The following PRKN variants were observed in gnomAD, a reference collection of about 807,000 sequenced individuals.
The protein encoded by PRKN is parkin RBR E3 ubiquitin protein ligase, also known as E3 ubiquitin-protein ligase parkin.
PRKN carries 56 observed loss-of-function variants against 59.5 expected under a neutral mutation model. The ratio of observed to expected loss-of-function variants is 0.94; its 90% CI spans 0.76 to 1.18. The LOEUF (loss-of-function observed/expected upper bound fraction) is 1.18, where lower values mean the gene tolerates loss of function less well. PRKN is among the 50% of genes most tolerant of loss of function. PRKN has a pLI of 0.00. For synonymous variants in PRKN, 250 were observed against 222.1 expected (o/e 1.13, Z -1.12); for missense variants, 657 against 596.4 (o/e 1.10, Z -1.06).
At chr6:162,049,155 T>C (rs1777510789) in intron 5 of PRKN, among the ~76,000 whole-genome samples, 2 of 152,130 alleles carry the variant, frequency 1.3e-5, no homozygotes, top group African/African-American at 4.8e-5. Context: ...TAAAACTATC[T>C]ACTAAGATTA....
rs1784580202 is a variant in PRKN, at chr6:161,352,311, A to G, written c.1286-2100T>C. 3.3e-5 allele frequency among the ~76,000 whole-genome samples: 5 copies of G among 152,338 alleles called. No individual in the cohort carries two copies. The South Asian group carries it at 8.3e-4, about 25-fold the overall frequency. ...GCATTTGTTTTAAGATAACTTGCCG[A>G]CATGCAAAATCTCCTGTTTTCCTAA... On this transcript the variant is annotated intron_variant, in intron 11 of 11. Coordinates refer to ENST00000366898, the MANE Select transcript of PRKN (RefSeq NM_004562.3). This position sits in a 1 kb window ranked among gnomAD's most constrained non-coding sequence, Gnocchi z 5.8.
chr6:162,051,517 T>A (rs1034696782), intron 5 of PRKN, among the ~76,000 whole-genome samples: 1 of 152,070 alleles, frequency 6.6e-6, no homozygotes, highest in African/African-American at 2.4e-5. Flanking sequence ...TCAGGAACAA[T>A]GTGTTCCTGC....
At chr6:162,256,534 G>A (rs769031339) in intron 3 of PRKN, among the ~76,000 whole-genome samples, 2 of 152,094 alleles carry the variant, frequency 1.3e-5, no homozygotes, top group African/African-American at 2.4e-5. Flanking sequence ...CAATAATTAC[G>A]ATGCTCAGAT....
At position 162,159,269 on chromosome 6, in the gene PRKN, A is replaced by G. The variant is rs1238987787; in HGVS notation, c.534+41862T>C. ...GTGAGCATTGCTTTTCTAGGATGCA[A>G]CAGAACTTAATGTTTCTTATAGACC... On this transcript the variant is annotated intron_variant, in intron 4 of 11. Coordinates refer to ENST00000366898, the MANE Select transcript of PRKN (RefSeq NM_004562.3). Among the ~76,000 whole-genome samples, 3 of 152,230 alleles carry G rather than the reference A, an allele frequency of 2.0e-5. No individual in the cohort carries two copies. The East Asian group carries it at 5.8e-4, about 29-fold the overall frequency.
chr6:162,271,600 A>G (rs1780398394), intron 2 of PRKN: 1 of 152,066 alleles, frequency 6.6e-6, no homozygotes, highest in Non-Finnish European at 1.5e-5. Context: ...GCTAAGAACT[A>G]TTTTGTTTGG....
At chr6:161,643,332 C>A (rs1046583829) in intron 7 of PRKN, among the ~76,000 whole-genome samples, 3 of 152,072 alleles carry the variant, frequency 2.0e-5, no homozygotes, top group Non-Finnish European at 4.4e-5. Context: ...TGCTGAAGCT[C>A]TCTAGTCTCA....
chr6:162,181,572 T>C (rs1439694547), intron 4 of PRKN, among the ~76,000 whole-genome samples: 1 of 152,084 alleles, frequency 6.6e-6, no homozygotes, highest in Non-Finnish European at 1.5e-5. Context: ...TGGACAAATA[T>C]TGATACAGTG....
chr6:161,584,782 TG>T lies in PRKN; in HGVS notation c.872-15367del, dbSNP rs1781464584. Reference sequence around the variant, plus strand: ...AACACCTCAATAACAAATGTTATATTGAAAATGTGCTCAGTAACAATTGCGG... The same window carrying T: ...AACACCTCAATAACAAATGTTATATTAAAATGTGCTCAGTAACAATTGCGG... On this transcript the variant is annotated intron_variant, in intron 7 of 11. Coordinates refer to ENST00000366898, the MANE Select transcript of PRKN (RefSeq NM_004562.3). This position sits in a 1 kb window ranked among gnomAD's most constrained non-coding sequence, Gnocchi z 4.8. Among the ~76,000 whole-genome samples the T allele has an allele frequency of 6.6e-6, 1 of 152,218 alleles. No individual in the cohort carries two copies. Among genetic ancestry groups the T allele is most frequent in the African/African-American group, 2.4e-5 (1 of 41,462 alleles).
At chr6:162,220,435 C>G (rs1777876937) in intron 3 of PRKN, among the ~76,000 whole-genome samples, 2 of 152,080 alleles carry the variant, frequency 1.3e-5, no homozygotes, top group African/African-American at 4.8e-5. Context: ...ATGAGCCCAG[C>G]AAGGCCAGAG....
At chr6:162,433,156 A>C (rs1213483421) in intron 2 of PRKN, among the ~76,000 whole-genome samples, 1 of 152,244 alleles carries the variant, frequency 6.6e-6, no homozygotes, top group Non-Finnish European at 1.5e-5. Context: ...ATTATTCATC[A>C]AATTAAACTA....
chr6:162,398,019 A>G (rs1787561722), intron 2 of PRKN, among the ~76,000 whole-genome samples: 1 of 148,086 alleles, frequency 6.8e-6, no homozygotes. Flanking sequence ...CCTGGGTGAC[A>G]GAGCAGGATT....
intron 1 of PRKN, among the ~76,000 whole-genome samples, chr6:162,494,232 TCATCTACAGCCTGGGCGTTGG>T (rs1792951905): frequency 6.6e-6 from 1 of 152,200 alleles, no homozygotes; most frequent in Admixed American, 6.5e-5. Context: ...CAGGCTGTTG[TCATCTACAGCCTGGGCGTTGG>T]CATCAGGCAA....
chr6:162,709,611 T>C (rs535245847), intron 1 of PRKN, among the ~76,000 whole-genome samples: 18 of 152,358 alleles, frequency 1.2e-4, no homozygotes, highest in Admixed American at 1.0e-3. Flanking sequence ...CTGGTGCTCA[T>C]GCTGCTTATT....
intron 8 of PRKN, among the ~76,000 whole-genome samples, chr6:161,555,648 G>A (rs1271431126): frequency 6.6e-6 from 1 of 152,110 alleles, no homozygotes; most frequent in African/African-American, 2.4e-5. Context: ...TTGTCCTGAG[G>A]AGGGCCTTTG....
chr6:162,187,780 A>G (rs1393816571), intron 4 of PRKN, among the ~76,000 whole-genome samples: 1 of 152,172 alleles, frequency 6.6e-6, no homozygotes, highest in Non-Finnish European at 1.5e-5. Context: ...CCAGGAGGAC[A>G]TGGAAACTCC....
At chr6:162,310,464 A>T (rs1163386685) in intron 2 of PRKN, among the ~76,000 whole-genome samples, 1 of 151,840 alleles carries the variant, frequency 6.6e-6, no homozygotes, top group Non-Finnish European at 1.5e-5. Flanking sequence ...CTGCAGCAAG[A>T]AAATGGGTCC....
In PRKN at chr6:162,056,429, T is replaced by C. The variant is rs1777870875; in HGVS notation, c.535-2255A>G. Among the ~76,000 whole-genome samples, 1 of 152,134 alleles carries C rather than the reference T, an allele frequency of 6.6e-6. No individual in the cohort carries two copies. Among genetic ancestry groups the C allele is most frequent in the South Asian group, 2.1e-4 (1 of 4,830 alleles). On this transcript the variant is annotated intron_variant, in intron 4 of 11. Transcript: ENST00000366898. The surrounding 1 kb of genome is among the most constrained non-coding windows in gnomAD (Gnocchi z 4.9). ...GAGAAAAGTCGGGGACGCAGAGCAG[T>C]TCTCCAGGCCTGAGCCGTACCTGAA...
chr6:161,398,645 T>A (rs573032851), intron 9 of PRKN, among the ~76,000 whole-genome samples: 1 of 152,256 alleles, frequency 6.6e-6, no homozygotes, highest in Admixed American at 6.5e-5. Flanking sequence ...ACAATTCACC[T>A]CTCCCTTGCT....
chr6:162,720,474 C>T, intron 1 of PRKN, among the ~76,000 whole-genome samples: 1 of 140,038 alleles, frequency 7.1e-6, no homozygotes, highest in Non-Finnish European at 1.5e-5. Flanking sequence ...GACGGAGTCT[C>T]GCTCTGTCGC....
Sources: allele counts gnomAD v4.1 joint callset (sites outside exome capture counted in the v4.1 genomes callset), GRCh38; gene constraint gnomAD v4.1.1; non-coding constraint Gnocchi (gnomAD v3.1); transcripts MANE v1.5; gene names NCBI Gene and HGNC (gene_info 2026-07-23, HGNC 2026-07-21).